Variants in LGR6 observed in about 807,000 individuals in gnomAD.
LGR6 encodes the protein leucine rich repeat containing G protein-coupled receptor 6.
A neutral mutation model predicts 69.4 loss-of-function variants in LGR6; 45 were observed. The ratio of observed to expected loss-of-function variants is 0.65; its 90% CI spans 0.51 to 0.83. The LOEUF is 0.83. Ranked by LOEUF, LGR6 falls within the 40% of genes least tolerant of loss-of-function variation. The probability of loss-of-function intolerance (pLI) is 0.00; values close to 1 mark genes in which losing one functional copy is unlikely to be tolerated. For synonymous variants in LGR6, 538 were observed against 555.0 expected, an observed-to-expected ratio of 0.97 and a Z score of 0.43; for missense variants, 1,108 against 1,246.7, an observed-to-expected ratio of 0.89 and a Z score of 1.68.
At chr1:202,296,511 C>T (rs1044735145) in intron 6 of LGR6, among the ~76,000 whole-genome samples, 2 of 152,202 alleles carry the variant, frequency 1.3e-5, no homozygotes, top group Non-Finnish European at 2.9e-5. Flanking sequence ...ACCTCTTTCC[C>T]CGGGGCTCCC....
At chr1:202,252,948 C>G (rs1663393065) in intron 4 of LGR6, among the ~76,000 whole-genome samples, 1 of 152,238 alleles carries the variant, frequency 6.6e-6, no homozygotes, top group African/African-American at 2.4e-5. Flanking sequence ...TCACCACACT[C>G]CTTAATTGAG....
intron 6 of LGR6, among the ~76,000 whole-genome samples, chr1:202,294,173 A>T (rs1031384680): frequency 6.6e-6 from 1 of 152,204 alleles, no homozygotes; most frequent in Non-Finnish European, 1.5e-5. Flanking sequence ...TGCTTCATCT[A>T]TCAAGTATTT....
intron 1 of LGR6, among the ~76,000 whole-genome samples, chr1:202,205,378 A>ACACCC: frequency 1.9e-3 from 2 of 1,074 alleles, no homozygotes; most frequent in Non-Finnish European, 2.2e-3. Context: ...AAACACACAC[A>ACACCC]CCTCACACAC....
At chr1:202,212,850 A>AC (rs1295629435) in intron 1 of LGR6, among the ~76,000 whole-genome samples, 1 of 150,608 alleles carries the variant, frequency 6.6e-6, no homozygotes, top group East Asian at 2.0e-4. Context: ...CCATGCTAAC[A>AC]CCCCCAGCTC....
rs1664818157 is a variant in LGR6, at chr1:202,268,199, C to T, written c.429-8107C>T. 6.6e-6 allele frequency among the ~76,000 whole-genome samples: 1 copy of T among 152,220 alleles called. No homozygotes were observed. Among genetic ancestry groups the T allele is most frequent in the Non-Finnish European group, 1.5e-5 (1 of 68,032 alleles). On this transcript the variant is annotated intron_variant, in intron 4 of 17. Coordinates refer to ENST00000367278, the MANE Select transcript of LGR6 (RefSeq NM_001017403.2). The surrounding 1 kb of genome is among the most constrained non-coding windows in gnomAD (Gnocchi z 4.4). ...CCATGGGCAGGGGACCCCACAACCCCATTGGAGCCCCGTGGCCCTCCGTGC... is the reference window on the plus strand; with the variant it reads ...CCATGGGCAGGGGACCCCACAACCCTATTGGAGCCCCGTGGCCCTCCGTGC...
chr1:202,227,197 G>A (rs1391875871), intron 2 of LGR6, among the ~76,000 whole-genome samples: 1 of 152,144 alleles, frequency 6.6e-6, no homozygotes, highest in Non-Finnish European at 1.5e-5. Flanking sequence ...TCTGAGGTAT[G>A]CCAGCACAAT....
intron 17 of LGR6, among the ~76,000 whole-genome samples, 188 bp from the exon 18 acceptor site, chr1:202,317,764 C>T (rs1435039751): frequency 6.6e-6 from 1 of 152,170 alleles, no homozygotes; most frequent in Non-Finnish European, 1.5e-5. Flanking sequence ...GTGAGAGAAC[C>T]TCCAACTTGG....
rs746925598 is a variant in LGR6 at position 202,304,595 on chromosome 1, G to A, written c.1035G>A (p.Ser345=). The part of the protein sequence containing the change: ...LTRAGIRLLP[S]GMCQQLPRLR... ...GCGCAGGCATCCGGCTGCTCCCATC[G>A]GGGATGTGCCAACAGCTGCCCAGGC... is the stretch of plus-strand genomic sequence containing the variant. Residue 345 remains serine, a synonymous_variant, in exon 11 of 18, where the codon TCG becomes TCA. Transcript: ENST00000367278. 3.0e-5 allele frequency: 48 copies of A among 1,610,734 alleles called. No individual in the cohort carries two copies. Among genetic ancestry groups the A allele is most frequent in the Middle Eastern group, 1.7e-4 (1 of 6,046 alleles).
chr1:202,252,824 C>T (rs1663382409), intron 4 of LGR6, among the ~76,000 whole-genome samples: 1 of 152,234 alleles, frequency 6.6e-6, no homozygotes, highest in South Asian at 2.1e-4. Flanking sequence ...AGTCCTGAAT[C>T]TGACTGTGTC....
intron 4 of LGR6, among the ~76,000 whole-genome samples, chr1:202,241,670 A>T (rs563312045): frequency 4.1e-5 from 6 of 146,594 alleles, no homozygotes; most frequent in Admixed American, 6.8e-5. Flanking sequence ...GGTGGGGGTG[A>T]GGCAGGGCAA....
chr1:202,310,651 CACTT>C (rs1312238678), intron 16 of LGR6, among the ~76,000 whole-genome samples: 2 of 152,196 alleles, frequency 1.3e-5, no homozygotes, highest in Non-Finnish European at 2.9e-5. Context: ...CACACCATCT[CACTT>C]AACCCTCCCC....
chr1:202,269,145 A>G (rs912617619), intron 4 of LGR6, among the ~76,000 whole-genome samples: 17 of 152,062 alleles, frequency 1.1e-4, no homozygotes, highest in African/African-American at 3.4e-4. Flanking sequence ...AGCTCAAGCA[A>G]TCCTCCCGCC....
chr1:202,311,242 GA>G (rs1282610891), intron 16 of LGR6, among the ~76,000 whole-genome samples: 1 of 152,108 alleles, frequency 6.6e-6, no homozygotes, highest in East Asian at 1.9e-4. Context: ...AAACATGTAA[GA>G]AAAACATCTC....
intron 16 of LGR6, 131 bp from the exon 17 acceptor site, chr1:202,314,671 C>T (rs376238093): frequency 9.0e-6 from 6 of 668,352 alleles, no homozygotes; most frequent in East Asian, 5.3e-5. Flanking sequence ...ATGGATGTGC[C>T]GGGTTGCTAG....
At chr1:202,241,663 G>A (rs979997266) in intron 4 of LGR6, among the ~76,000 whole-genome samples, 1 of 151,976 alleles carries the variant, frequency 6.6e-6, no homozygotes, top group East Asian at 1.9e-4. Flanking sequence ...GAAACTGGGT[G>A]GGGGTGAGGC....
At chr1:202,262,067 G>A (rs1324047646) in intron 4 of LGR6, among the ~76,000 whole-genome samples, 1 of 152,100 alleles carries the variant, frequency 6.6e-6, no homozygotes, top group African/African-American at 2.4e-5. Flanking sequence ...TTCTTTTGCT[G>A]TGCAGAAGCT....
chr1:202,238,790 G>C (rs1661864066), intron 4 of LGR6, among the ~76,000 whole-genome samples: 4 of 151,672 alleles, frequency 2.6e-5, no homozygotes, highest in South Asian at 2.1e-4. Context: ...TGAAAGACTA[G>C]TATGAATCAG....
chr1:202,230,540 T>C (rs1392082442), intron 3 of LGR6, among the ~76,000 whole-genome samples: 1 of 152,150 alleles, frequency 6.6e-6, no homozygotes, highest in Non-Finnish European at 1.5e-5. Flanking sequence ...TGTGGGAAAA[T>C]GCCCGAGCCT....
intron 6 of LGR6, among the ~76,000 whole-genome samples, chr1:202,296,406 C>T (rs530932530): frequency 5.9e-5 from 9 of 152,266 alleles, no homozygotes; most frequent in East Asian, 5.8e-4. Context: ...GATCTCATTA[C>T]GTAACAGGGA....
Sources: allele counts gnomAD v4.1 joint callset (sites outside exome capture counted in the v4.1 genomes callset), GRCh38; gene constraint gnomAD v4.1.1; non-coding constraint Gnocchi (gnomAD v3.1); transcripts MANE v1.5; gene names NCBI Gene and HGNC (gene_info 2026-07-23, HGNC 2026-07-21).